Variants in PSD3 observed in about 807,000 individuals in gnomAD.
The protein encoded by PSD3 is PH and SEC7 domain-containing protein 3.
PSD3 carries 49 observed loss-of-function variants against 105.5 expected under a neutral mutation model. That is an observed-to-expected ratio of 0.46 (90% confidence interval 0.37 to 0.59). The LOEUF is 0.59. Among genes scored for constraint, PSD3 ranks in the 20% least tolerant of loss-of-function variants. PSD3 has a pLI of 0.00. For missense variants in PSD3, 1,561 were observed against 1,263.8 expected (o/e 1.24, Z -3.57); for synonymous variants, 557 against 457.8 (o/e 1.22, Z -2.77).
intron 2 of PSD3, among the ~76,000 whole-genome samples, chr8:18,904,095 G>A (rs1819683075): frequency 6.6e-6 from 1 of 152,292 alleles, no homozygotes; most frequent in East Asian, 1.9e-4. Flanking sequence ...GCCAGCATTT[G>A]CTTCTGGTCA....
chr8:18,762,555 C>G (rs1319330030), intron 9 of PSD3, among the ~76,000 whole-genome samples: 1 of 152,200 alleles, frequency 6.6e-6, no homozygotes, highest in East Asian at 1.9e-4. Flanking sequence ...CACTGGTTGT[C>G]TTCTGATATC....
chr8:18,759,370 T>C (rs1349021487), intron 9 of PSD3, among the ~76,000 whole-genome samples: 1 of 152,166 alleles, frequency 6.6e-6, no homozygotes, highest in Non-Finnish European at 1.5e-5. Flanking sequence ...TTAGACCTAC[T>C]TGTGTATTTA....
chr8:18,750,350 G>A (rs10111500), intron 9 of PSD3, among the ~76,000 whole-genome samples: 1 of 152,012 alleles, frequency 6.6e-6, no homozygotes, highest in African/African-American at 2.4e-5. Context: ...GCTGGCTCAG[G>A]AGTGAAGCTG....
At chr8:18,589,744 G>C (rs1316330037) in intron 12 of PSD3, among the ~76,000 whole-genome samples, 1 of 152,146 alleles carries the variant, frequency 6.6e-6, no homozygotes, top group Non-Finnish European at 1.5e-5. Flanking sequence ...CAAGGAGATG[G>C]GCGAGGAGGC....
intron 9 of PSD3, among the ~76,000 whole-genome samples, chr8:18,724,503 G>A (rs932305854): frequency 6.6e-6 from 1 of 151,960 alleles, no homozygotes; most frequent in Non-Finnish European, 1.5e-5. Flanking sequence ...CCAGCTACTT[G>A]AGAAGAAGCT....
At chr8:18,871,509 T>A (rs2129457370) in intron 3 of PSD3, 117 bp downstream of exon 3, 1 of 1,327,630 alleles carries the variant, frequency 7.5e-7, no homozygotes, top group East Asian at 2.3e-5. Context: ...CATCTTATAT[T>A]CCATGATAAC....
intron 4 of PSD3, among the ~76,000 whole-genome samples, chr8:18,832,822 A>G (rs952522698): frequency 6.6e-6 from 1 of 152,116 alleles, no homozygotes; most frequent in African/African-American, 2.4e-5. Context: ...AAACCATCAG[A>G]CCTGGTGAGA....
chr8:18,669,496 G>C (rs951847520), intron 9 of PSD3, among the ~76,000 whole-genome samples: 18 of 152,208 alleles, frequency 1.2e-4, no homozygotes, highest in African/African-American at 4.3e-4. Flanking sequence ...GTGACTTGAA[G>C]GCAAGAACTG....
chr8:18,538,437 C>G (rs1216808043), intron 15 of PSD3, among the ~76,000 whole-genome samples: 3 of 152,138 alleles, frequency 2.0e-5, no homozygotes, highest in Non-Finnish European at 4.4e-5. Context: ...TTCTAAACGC[C>G]TCTTCATTTT....
intron 4 of PSD3, among the ~76,000 whole-genome samples, chr8:18,819,170 T>C (rs1347517588): frequency 6.6e-6 from 1 of 152,192 alleles, no homozygotes; most frequent in Non-Finnish European, 1.5e-5. Flanking sequence ...CACCATTGTA[T>C]ACAGCAGAGA....
chr8:18,603,912 C>A (rs1804621376), intron 11 of PSD3, among the ~76,000 whole-genome samples: 3 of 152,282 alleles, frequency 2.0e-5, no homozygotes, highest in South Asian at 4.1e-4. Context: ...CAACATCATG[C>A]TTCCTGTACA....
intron 1 of PSD3, among the ~76,000 whole-genome samples, chr8:19,021,239 C>A (rs553954014): frequency 6.6e-6 from 1 of 152,292 alleles, no homozygotes; most frequent in African/African-American, 2.4e-5. Context: ...GAAACCTTTT[C>A]CTTTCTACAG....
At chr8:18,837,503 G>A (rs1469084149) in intron 4 of PSD3, among the ~76,000 whole-genome samples, 1 of 152,178 alleles carries the variant, frequency 6.6e-6, no homozygotes, top group Non-Finnish European at 1.5e-5. Flanking sequence ...TCATGCTTCT[G>A]CTCTCTGTTC....
At chr8:18,848,966 G>C (rs981134983) in intron 4 of PSD3, among the ~76,000 whole-genome samples, 1 of 152,196 alleles carries the variant, frequency 6.6e-6, no homozygotes, top group East Asian at 1.9e-4. Context: ...ATTCAAAGCT[G>C]TAATGCAAGA....
intron 1 of PSD3, among the ~76,000 whole-genome samples, chr8:19,044,004 C>T (rs558892202): frequency 6.6e-5 from 10 of 152,300 alleles, no homozygotes; most frequent in Admixed American, 6.5e-4. Flanking sequence ...GAGCACCTTC[C>T]TCTGGGAGTC....
At chr8:18,910,934 AAAAAAT>A (rs1212298121) in intron 2 of PSD3, among the ~76,000 whole-genome samples, 418 of 151,762 alleles carry the variant, frequency 2.8e-3, no homozygotes, top group African/African-American at 9.7e-3. Flanking sequence ...ATAAAATTCA[AAAAAAT>A]AAAAAAAAAA....
intron 1 of PSD3, among the ~76,000 whole-genome samples, chr8:18,967,226 G>A (rs1185705987): frequency 6.6e-6 from 1 of 151,704 alleles, no homozygotes; most frequent in Non-Finnish European, 1.5e-5. Context: ...CATGATCTTG[G>A]CTCACGGCAA....
chr8:18,564,643 A>C (rs989343641), intron 14 of PSD3, among the ~76,000 whole-genome samples: 2 of 150,200 alleles, frequency 1.3e-5, no homozygotes, highest in African/African-American at 4.9e-5. Flanking sequence ...AAAAAAAAAA[A>C]AGATATTTAG....
intron 9 of PSD3, among the ~76,000 whole-genome samples, chr8:18,709,295 C>G (rs963900062): frequency 5.3e-5 from 8 of 152,168 alleles, no homozygotes; most frequent in Non-Finnish European, 1.0e-4. Flanking sequence ...AGGGTCTCCC[C>G]ACATGAATTC....
Sources: allele counts gnomAD v4.1 joint callset (sites outside exome capture counted in the v4.1 genomes callset), GRCh38; gene constraint gnomAD v4.1.1; transcripts MANE v1.5; gene names NCBI Gene and HGNC (gene_info 2026-07-23, HGNC 2026-07-21).